Variants in ZNF131 observed in about 807,000 individuals in gnomAD.
ZNF131 encodes zinc finger protein 131.
A neutral mutation model predicts 60.0 loss-of-function variants in ZNF131; 7 were observed. The ratio of observed to expected loss-of-function variants is 0.12; its 90% CI spans 0.07 to 0.22. ZNF131 has a LOEUF of 0.22. Ranked by LOEUF, ZNF131 falls within the 10% of genes least tolerant of loss-of-function variation. The probability of loss-of-function intolerance (pLI) is 1.00; values close to 1 mark genes in which losing one functional copy is unlikely to be tolerated. For synonymous variants in ZNF131, 257 were observed against 253.2 expected (o/e 1.01, Z -0.14); for missense variants, 493 against 740.9 (o/e 0.67, Z 3.88).
At chr5:43,153,039 T>G (rs957761105) in intron 4 of ZNF131, among the ~76,000 whole-genome samples, 6 of 152,160 alleles carry the variant, frequency 3.9e-5, no homozygotes, top group Non-Finnish European at 8.8e-5. Flanking sequence ...TGCAGACCTT[T>G]CATCTGGTAA....
chr5:43,159,934 G>T (rs1362330239), intron 4 of ZNF131, among the ~76,000 whole-genome samples: 1 of 151,832 alleles, frequency 6.6e-6, no homozygotes, highest in African/African-American at 2.4e-5. Context: ...CAGCACTTTG[G>T]GGGAGGCCAA....
At chr5:43,149,445 A>G (rs1748030417) in intron 4 of ZNF131, among the ~76,000 whole-genome samples, 2 of 152,174 alleles carry the variant, frequency 1.3e-5, no homozygotes, top group South Asian at 4.1e-4. Context: ...TCACCTGTTG[A>G]TGGACATTTA....
chr5:43,122,290 C>T, intron 2 of ZNF131, 113 bp downstream of exon 2: 6 of 1,291,870 alleles, frequency 4.6e-6, no homozygotes, highest in Non-Finnish European at 6.3e-6. Context: ...CTATGGTCTC[C>T]CTACCAAAGT....
At chr5:43,121,396 G>C (rs1264329263) in intron 1 of ZNF131, 1 of 152,584 alleles carries the variant, frequency 6.6e-6, no homozygotes, top group African/African-American at 2.4e-5. Context: ...CTTCGTGAGC[G>C]CCAAATCCCC....
chr5:43,155,447 G>A (rs1257032463), intron 4 of ZNF131, among the ~76,000 whole-genome samples: 4 of 152,180 alleles, frequency 2.6e-5, no homozygotes, highest in Admixed American at 1.3e-4. Flanking sequence ...AGTAATAACC[G>A]TTGGGTAGAG....
intron 3 of ZNF131, among the ~76,000 whole-genome samples, chr5:43,125,519 G>A (rs144255305): frequency 1.1e-3 from 169 of 151,452 alleles, no homozygotes; most frequent in African/African-American, 3.8e-3. Flanking sequence ...GGTGGCTCAC[G>A]CCTGTAATCC....
At position 43,162,759 on chromosome 5, in the gene ZNF131, G is replaced by T. The variant is rs1749864000; in HGVS notation, c.1054+828G>T. Among the ~76,000 whole-genome samples the T allele has an allele frequency of 2.0e-5, 3 of 150,010 alleles. No homozygotes were observed. The South Asian group carries it at 6.3e-4, about 32-fold the overall frequency. On this transcript the variant is annotated intron_variant, in intron 5 of 6. Coordinates refer to ENST00000682664, the MANE Select transcript of ZNF131 (RefSeq NM_001330707.2). ...TCTCTACTAAAAATACAAAAAATTA[G>T]TTGGGCATGGTGGCAGGCACCTGTA... is the stretch of plus-strand genomic sequence containing the variant.
chr5:43,140,491 A>G (rs1218558959), intron 4 of ZNF131, among the ~76,000 whole-genome samples: 1 of 152,220 alleles, frequency 6.6e-6, no homozygotes, highest in Non-Finnish European at 1.5e-5. Flanking sequence ...TAATGCATGC[A>G]AAGTGTTTAG....
chr5:43,162,861 C>T lies in ZNF131; in HGVS notation c.1054+930C>T, dbSNP rs1436368021. 1.1e-4 allele frequency among the ~76,000 whole-genome samples: 15 copies of T among 141,104 alleles called. No homozygotes were observed. In the East Asian group the frequency reaches 1.3e-3, roughly 12 times the overall value. The allele number at this position is 141,104 out of a possible 152,430, so 92.6% of individuals were successfully genotyped here. A position where few individuals can be genotyped will look rare whatever the true frequency, so the allele number is the denominator to read the frequency against. On this transcript the variant is annotated intron_variant, in intron 5 of 6. Transcript: ENST00000682664. ...CAGAGGTTGCCATGAGCCAAGATCA[C>T]GCCATTGTACTCCAGCCTGGGCAAC...
Position 43,174,648 on chromosome 5 carries a change from A to G in ZNF131, c.1387A>G (p.Thr463Ala), listed in dbSNP as rs769066276. The G allele has an allele frequency of 6.2e-7, 1 of 1,614,192 alleles. No homozygotes were observed. Among genetic ancestry groups the G allele is most frequent in the East Asian group, 2.2e-5 (1 of 44,890 alleles). The change falls in exon 7 of 7, where the codon ACT becomes GCT. Residue 463 changes from threonine (T) to alanine (A), a missense_variant. This residue lies in a region of ZNF131 where 202 missense variants were observed against 221.3 expected (regional missense o/e 0.91). Coordinates refer to ENST00000682664, the MANE Select transcript of ZNF131 (RefSeq NM_001330707.2). ...TCTTTCAGTAGAAACACGTGTGCAAACTGAACCTGTAACATCAATGACTAT... is the reference window on the plus strand; with the variant it reads ...TCTTTCAGTAGAAACACGTGTGCAAGCTGAACCTGTAACATCAATGACTAT... ...EVLSVETRVQTEPVTSMTIIE... is the reference protein window; with the variant it reads ...EVLSVETRVQAEPVTSMTIIE...
At chr5:43,158,621 A>G (rs929586026) in intron 4 of ZNF131, among the ~76,000 whole-genome samples, 1 of 152,168 alleles carries the variant, frequency 6.6e-6, no homozygotes, top group Non-Finnish European at 1.5e-5. Flanking sequence ...ATATCTGCAC[A>G]CTTACTTCCA....
chr5:43,137,484 G>GA (rs1276078783), intron 3 of ZNF131, among the ~76,000 whole-genome samples: 1 of 150,468 alleles, frequency 6.6e-6, no homozygotes, highest in Non-Finnish European at 1.5e-5. Context: ...ACAGATACAT[G>GA]AAAAAAAAGT....
intron 4 of ZNF131, among the ~76,000 whole-genome samples, chr5:43,149,265 A>T (rs1021939106): frequency 6.6e-6 from 1 of 152,066 alleles, no homozygotes; most frequent in African/African-American, 2.4e-5. Flanking sequence ...AGGGAGAAAA[A>T]AAAAAAAGGC....
chr5:43,168,095 C>T (rs929311391), intron 5 of ZNF131: 10 of 364,532 alleles, frequency 2.7e-5, no homozygotes, highest in African/African-American at 2.1e-4. Context: ...CCATCCCATT[C>T]CCATGATAAC....
intron 4 of ZNF131, among the ~76,000 whole-genome samples, chr5:43,152,733 A>G (rs916406738): frequency 3.9e-5 from 6 of 152,136 alleles, no homozygotes; most frequent in African/African-American, 9.6e-5. Context: ...CAGCCTCCCA[A>G]AGGAGCTGAG....
chr5:43,140,438 C>T (rs747315592), intron 4 of ZNF131, among the ~76,000 whole-genome samples: 4 of 152,160 alleles, frequency 2.6e-5, no homozygotes, highest in Non-Finnish European at 5.9e-5. Flanking sequence ...AGAGTAATAA[C>T]GGTACTTTCT....
intron 5 of ZNF131, among the ~76,000 whole-genome samples, chr5:43,163,678 A>C (rs1750026488): frequency 6.6e-6 from 1 of 152,236 alleles, no homozygotes; most frequent in Non-Finnish European, 1.5e-5. Context: ...GGGTATGGAG[A>C]GAGCAGTTAA....
chr5:43,173,916 A>G (rs1751293819), intron 6 of ZNF131, among the ~76,000 whole-genome samples: 1 of 152,186 alleles, frequency 6.6e-6, no homozygotes. Flanking sequence ...TGAAGGCAGT[A>G]TTGAAATGTT....
At chr5:43,129,558 G>A (rs548925416) in intron 3 of ZNF131, among the ~76,000 whole-genome samples, 4 of 152,298 alleles carry the variant, frequency 2.6e-5, no homozygotes, top group South Asian at 4.1e-4. Context: ...TAGCAGCATA[G>A]CATGTTAGTA....
Sources: allele counts gnomAD v4.1 joint callset (sites outside exome capture counted in the v4.1 genomes callset), GRCh38; gene constraint gnomAD v4.1.1; regional missense constraint gnomAD v4.1.1; transcripts MANE v1.5; gene names NCBI Gene and HGNC (gene_info 2026-07-23, HGNC 2026-07-21).